Variants in MCF2L2 observed in about 807,000 individuals in gnomAD.
The protein encoded by MCF2L2 is probable guanine nucleotide exchange factor MCF2L2.
Under a neutral mutation model 150.2 loss-of-function variants are expected in MCF2L2, and 102 were observed. The ratio of observed to expected loss-of-function variants is 0.68; its 90% CI spans 0.58 to 0.80. The LOEUF is 0.80. MCF2L2 is among the 30% of genes least tolerant of loss of function. MCF2L2 has a pLI of 0.00. For missense variants in MCF2L2, 1,256 were observed against 1,372.8 expected, an observed-to-expected ratio of 0.91 and a Z score of 1.34; for synonymous variants, 465 against 491.3, an observed-to-expected ratio of 0.95 and a Z score of 0.71.
chr3:183,276,917 G>C lies in MCF2L2; in HGVS notation c.1817C>G (p.Pro606Arg), dbSNP rs1298733374. 3 of 1,611,080 alleles carry C rather than the reference G, an allele frequency of 1.9e-6. No individual in the cohort carries two copies. The highest frequency in any genetic ancestry group is 1.7e-4 in the Middle Eastern group (1 of 6,012). Residue 606 changes from proline (P) to arginine (R), a missense_variant, in exon 15 of 30, where the codon CCT (proline) becomes CGT (arginine). Pro to Arg is a moderately radical substitution (Grantham distance 103). Transcript: ENST00000328913. ...IFESHHERGN[P>R]ELEQQARLGD... The stretch of plus-strand genomic sequence containing the variant: ...GAGCCTGGCCTGCTGCTCCAGCTCA[G>C]GGTTCCCCCTTTCATGATGGCTTTC...
intron 5 of MCF2L2, among the ~76,000 whole-genome samples, chr3:183,330,368 G>A (rs1453124624): frequency 2.6e-5 from 4 of 152,028 alleles, no homozygotes; most frequent in African/African-American, 7.3e-5. Flanking sequence ...GACCACCACT[G>A]TATATGTGGT....
Position 183,267,851 on chromosome 3 carries a change from C to A in MCF2L2, c.1862+9021G>T, listed in dbSNP as rs1378204982. Among the ~76,000 whole-genome samples, 1 of 152,126 alleles carries A rather than the reference C, an allele frequency of 6.6e-6. No homozygotes were observed. The highest frequency in any genetic ancestry group is 1.5e-5 in the Non-Finnish European group (1 of 68,020). ...CTAGGGTCCTGACCTCCAATCCTTC[C>A]CCAGTAACCATCACTTTGAGTAAAC... On this transcript the variant is annotated intron_variant, in intron 15 of 29. Transcript: ENST00000328913. This position sits in a 1 kb window ranked among gnomAD's most constrained non-coding sequence, Gnocchi z 5.5.
intron 15 of MCF2L2, chr3:183,253,830 T>C (rs1393021052): frequency 1.3e-5 from 2 of 152,252 alleles, no homozygotes; most frequent in East Asian, 3.9e-4. Context: ...TAGTCTGTGG[T>C]CAGTTACGTG....
chr3:183,386,918 C>T (rs188065828), intron 2 of MCF2L2, among the ~76,000 whole-genome samples: 122 of 152,314 alleles, frequency 8.0e-4, no homozygotes, highest in South Asian at 2.7e-3. Flanking sequence ...ACTTGCAAGG[C>T]TGTAATTACT....
At chr3:183,240,113 A>G (rs2108681347) in intron 15 of MCF2L2, among the ~76,000 whole-genome samples, 1 of 152,214 alleles carries the variant, frequency 6.6e-6, no homozygotes, top group Non-Finnish European at 1.5e-5. Flanking sequence ...TTCTGGTGAC[A>G]CCCCACAGAG....
chr3:183,296,901 T>C, intron 12 of MCF2L2, 75 bp downstream of exon 12: 1 of 1,484,264 alleles, frequency 6.7e-7, no homozygotes, highest in African/African-American at 1.4e-5. Flanking sequence ...GTGTACTTTA[T>C]CAGGAAGAAG....
rs571537817 is a variant in MCF2L2 at position 183,357,495 on chromosome 3, A to G, written c.276-15865T>C. Among the ~76,000 whole-genome samples, 4 of 152,324 alleles carry G rather than the reference A, an allele frequency of 2.6e-5. No individual in the cohort carries two copies. In the East Asian group the frequency reaches 7.7e-4, roughly 29 times the overall value. On this transcript the variant is annotated intron_variant, in intron 3 of 29. Coordinates refer to ENST00000328913, the MANE Select transcript of MCF2L2 (RefSeq NM_015078.4). ...GATCCAAAATCCAAAATCCTCCCAA[A>G]TCTGAAACTTTTTCAGCACTGACGT...
At chr3:183,317,693 G>A (rs771190178) in intron 7 of MCF2L2, among the ~76,000 whole-genome samples, 24 of 152,126 alleles carry the variant, frequency 1.6e-4, no homozygotes, top group African/African-American at 5.3e-4. Flanking sequence ...ATTTCAGCAC[G>A]TTCTGTCTTG....
intron 13 of MCF2L2, among the ~76,000 whole-genome samples, chr3:183,294,982 C>CGAAT (rs1489565141): frequency 6.6e-6 from 1 of 152,080 alleles, no homozygotes; most frequent in African/African-American, 2.4e-5. Flanking sequence ...AGGCTGGTCT[C>CGAAT]GAATTCCTGA....
At chr3:183,230,915 T>C (rs1326242708) in intron 16 of MCF2L2, 36 bp downstream of exon 16, 2 of 1,496,352 alleles carry the variant, frequency 1.3e-6, no homozygotes, top group Non-Finnish European at 1.9e-6. Flanking sequence ...GCAGTTTGAA[T>C]ATATGCTTGA....
chr3:183,179,368 T>C lies in MCF2L2; in HGVS notation c.*12A>G. On this transcript the variant is annotated 3_prime_UTR_variant, in exon 30 of 30. Coordinates refer to ENST00000328913, the MANE Select transcript of MCF2L2 (RefSeq NM_015078.4). The surrounding 1 kb of genome is among the most constrained non-coding windows in gnomAD (Gnocchi z 4.2). ...GCTCTGGAGCCGAGGAGCGGGGGCG[T>C]CCGCAGGGAGGTCAGCTCTCCTGGG... The C allele has an allele frequency of 6.9e-7, 1 of 1,446,036 alleles. No individual in the cohort carries two copies. The highest frequency in any genetic ancestry group is 9.1e-7 in the Non-Finnish European group (1 of 1,100,474). 89.6% of individuals were successfully genotyped at this position (1,446,036 alleles called of 1,614,324 possible).
At chr3:183,383,305 G>T (rs1713642340) in intron 2 of MCF2L2, among the ~76,000 whole-genome samples, 2 of 151,966 alleles carry the variant, frequency 1.3e-5, no homozygotes, top group Admixed American at 6.6e-5. Flanking sequence ...CACGATCTCG[G>T]CTCACCACAA....
chr3:183,347,602 T>A (rs1189642379), intron 3 of MCF2L2, among the ~76,000 whole-genome samples: 1 of 152,080 alleles, frequency 6.6e-6, no homozygotes, highest in Non-Finnish European at 1.5e-5. Context: ...GAAACTATCA[T>A]CAGAGTGAAC....
At chr3:183,376,041 A>AG (rs1414849786) in intron 3 of MCF2L2, 2 of 152,210 alleles carry the variant, frequency 1.3e-5, no homozygotes, top group Admixed American at 6.5e-5. Flanking sequence ...AAGAAAGGCG[A>AG]GGGGAAGAAC....
chr3:183,323,917 C>G (rs568482993), intron 5 of MCF2L2, among the ~76,000 whole-genome samples: 15 of 152,038 alleles, frequency 9.9e-5, no homozygotes, highest in East Asian at 5.8e-4. Context: ...TGACTTGGCT[C>G]AGGGAACACA....
intron 2 of MCF2L2, among the ~76,000 whole-genome samples, chr3:183,385,265 A>AC (rs1376109257): frequency 6.6e-6 from 1 of 152,204 alleles, no homozygotes; most frequent in Non-Finnish European, 1.5e-5. Context: ...CCCACACTGT[A>AC]TTTCTATTAA....
intron 4 of MCF2L2, 51 bp from the exon 5 acceptor site, chr3:183,338,970 G>A (rs931144126): frequency 1.0e-5 from 16 of 1,558,448 alleles, no homozygotes; most frequent in South Asian, 3.5e-5. Context: ...TGTCATATTC[G>A]TTACCAGGGT....
chr3:183,199,069 T>C lies in MCF2L2; in HGVS notation c.2885-3814A>G, dbSNP rs140595120. On this transcript the variant is annotated intron_variant, in intron 25 of 29. Transcript: ENST00000328913. ...ACCTACAGTTTAAATCAAGAACTTATGTTGCTTGGTTTTTGTGACAGAAAA... is the reference window on the plus strand; with the variant it reads ...ACCTACAGTTTAAATCAAGAACTTACGTTGCTTGGTTTTTGTGACAGAAAA... 4.9e-3 allele frequency among the ~76,000 whole-genome samples: 743 copies of C among 152,328 alleles called. 3 individuals carry two copies. The highest frequency in any genetic ancestry group is 0.017 in the African/African-American group (717 of 41,570).
At chr3:183,251,651 A>C (rs146298244) in intron 15 of MCF2L2, among the ~76,000 whole-genome samples, 79 of 152,214 alleles carry the variant, frequency 5.2e-4, no homozygotes, top group African/African-American at 1.8e-3. Flanking sequence ...ACCTAAGTTT[A>C]TTTCTAACAC....
Sources: allele counts gnomAD v4.1 joint callset (sites outside exome capture counted in the v4.1 genomes callset), GRCh38; gene constraint gnomAD v4.1.1; non-coding constraint Gnocchi (gnomAD v3.1); transcripts MANE v1.5; gene names NCBI Gene and HGNC (gene_info 2026-07-23, HGNC 2026-07-21).